Variants in MAP3K19 observed in about 807,000 individuals in gnomAD.
The protein encoded by MAP3K19 is SPS1/STE20-related protein kinase YSK4.
In MAP3K19, 91 loss-of-function variants were observed where a neutral mutation model predicts 114.4. That is an observed-to-expected ratio of 0.80 (90% CI 0.67 to 0.95). MAP3K19 has a LOEUF of 0.95. MAP3K19 is among the 40% of genes least tolerant of loss of function. The pLI is 0.00. For missense variants in MAP3K19, 1,471 were observed against 1,573.2 expected (o/e 0.94, Z 1.10); for synonymous variants, 518 against 530.5 (o/e 0.98, Z 0.32).
chr2:134,987,457 T>G lies in MAP3K19; in HGVS notation c.1415A>C (p.Glu472Ala). ...METNIKISIA[E>A]RAKPEMSRMV... ...CCTACTCATTTCTGGTTTGGCTCTT[T>G]CTGCTATTGATATTTTTATGTTTGT... The change falls in exon 10 of 13, where the codon GAA becomes GCA. Residue 472 changes from glutamate to alanine, a missense_variant. Glu to Ala is a moderately radical substitution (Grantham distance 107). Transcript: ENST00000392915. 6.2e-7 allele frequency: 1 copy of G among 1,614,212 alleles called. No individual in the cohort carries two copies. Among genetic ancestry groups the G allele is most frequent in the South Asian group, 1.1e-5 (1 of 91,086 alleles).
At chr2:135,041,466 G>A (rs1688644696) in intron 1 of MAP3K19, among the ~76,000 whole-genome samples, 1 of 151,812 alleles carries the variant, frequency 6.6e-6, no homozygotes, top group Non-Finnish European at 1.5e-5. Context: ...TCAGTCTCCT[G>A]AGTAGCTGGG....
At position 135,032,356 on chromosome 2, in the gene MAP3K19, GA is replaced by G. The variant is rs760579264; in HGVS notation, c.-283-1857del. Among the ~76,000 whole-genome samples, 367 of 72,180 alleles carry G rather than the reference GA, an allele frequency of 5.1e-3. 3 individuals are homozygous for G. Among genetic ancestry groups the G allele is most frequent in the African/African-American group, 0.017 (266 of 15,298 alleles). 47.4% of individuals were successfully genotyped at this position (72,180 alleles called of 152,430 possible). A position where few individuals can be genotyped will look rare whatever the true frequency, so the allele number is the denominator to read the frequency against. ...TGGGTGACAGAGTGAGACTCTGTCT[GA>G]AAAAAAAAAAAAAAAAGAAAAGAAA... is the stretch of plus-strand genomic sequence containing the variant. On this transcript the variant is annotated intron_variant, in intron 2 of 12. Transcript: ENST00000392915.
chr2:135,024,468 G>C (rs949706628), intron 4 of MAP3K19, among the ~76,000 whole-genome samples, 158 bp downstream of exon 4: 2 of 152,164 alleles, frequency 1.3e-5, no homozygotes, highest in African/African-American at 2.4e-5. Context: ...GCATCCCCCA[G>C]AGCACCTAGT....
chr2:134,988,031 C>G lies in MAP3K19; in HGVS notation c.841G>C (p.Asp281His). The change falls in exon 10 of 13, where the codon GAT becomes CAT. Residue 281 changes from aspartate to histidine, a missense_variant. Coordinates refer to ENST00000392915, the MANE Select transcript of MAP3K19 (RefSeq NM_025052.5). The part of the protein sequence containing the change: ...SLMDPTLRSS[D>H]GFIWSRNMCS... ...ATGTTTCTTGACCAAATGAAGCCAT[C>G]AGAAGACCTGAGAGTCGGATCCATC... 2 of 1,613,996 alleles carry G rather than the reference C, an allele frequency of 1.2e-6. No homozygotes were observed. The highest frequency in any genetic ancestry group is 2.2e-5 in the South Asian group (2 of 91,056).
intron 12 of MAP3K19, among the ~76,000 whole-genome samples, chr2:134,978,138 T>C (rs1684377290): frequency 6.6e-6 from 1 of 152,142 alleles, no homozygotes; most frequent in Admixed American, 6.5e-5. Context: ...TTCAAAATAT[T>C]TTCCTCAGCC....
rs187768691 is a variant in MAP3K19 at position 135,045,957 on chromosome 2, C to T, written c.-424+1228G>A. Among the ~76,000 whole-genome samples, 13 of 150,152 alleles carry T rather than the reference C, an allele frequency of 8.7e-5. No homozygotes were observed. In the East Asian group the frequency reaches 2.1e-3, roughly 24 times the overall value. ...TATTTTTATTAGAGATGGGGTCTCA[C>T]TCTCTCATCCAGGCTGGAGTACAGC... On this transcript the variant is annotated intron_variant, in intron 1 of 12. Coordinates refer to ENST00000392915, the MANE Select transcript of MAP3K19 (RefSeq NM_025052.5).
At chr2:135,022,779 G>T (rs776166118) in intron 4 of MAP3K19, among the ~76,000 whole-genome samples, 6 of 152,162 alleles carry the variant, frequency 3.9e-5, no homozygotes, top group Non-Finnish European at 5.9e-5. Flanking sequence ...AAATGTTTGG[G>T]ATTAATGGTT....
intron 4 of MAP3K19, chr2:135,023,653 A>C: frequency 2.2e-6 from 1 of 456,502 alleles, no homozygotes; most frequent in South Asian, 1.6e-5. Flanking sequence ...CAGTTCTGTG[A>C]ATTGTTCTTT....
intron 1 of MAP3K19, among the ~76,000 whole-genome samples, chr2:135,044,079 AT>A (rs1391765840): frequency 6.6e-6 from 1 of 152,246 alleles, no homozygotes; most frequent in Admixed American, 6.5e-5. Context: ...AATAATAACA[AT>A]AATACAACAA....
chr2:134,972,244 A>G (rs1683931508), intron 12 of MAP3K19, among the ~76,000 whole-genome samples: 1 of 151,682 alleles, frequency 6.6e-6, no homozygotes, highest in East Asian at 1.9e-4. Context: ...CCCTACTCCT[A>G]TCCTCCTACT....
At chr2:135,026,501 T>TC in intron 3 of MAP3K19, among the ~76,000 whole-genome samples, 1 of 136,058 alleles carries the variant, frequency 7.3e-6, no homozygotes. Flanking sequence ...AGCTCCCTCC[T>TC]CCTTTTTTTT....
At chr2:134,991,482 G>T in intron 9 of MAP3K19, 55 bp downstream of exon 9, 1 of 1,463,338 alleles carries the variant, frequency 6.8e-7, no homozygotes, top group Non-Finnish European at 9.6e-7. Context: ...CTAAATTAGT[G>T]AATAGAGTTG....
intron 2 of MAP3K19, among the ~76,000 whole-genome samples, chr2:135,032,580 T>C (rs1032100108): frequency 1.6e-5 from 2 of 126,060 alleles, no homozygotes; most frequent in East Asian, 2.2e-4. Flanking sequence ...TAAAATGTTG[T>C]TTGTTTTTTT....
chr2:135,006,603 A>G (rs1686829487), intron 5 of MAP3K19, among the ~76,000 whole-genome samples: 1 of 150,844 alleles, frequency 6.6e-6, no homozygotes, highest in Non-Finnish European at 1.5e-5. Context: ...TGAGCTCAGG[A>G]GTTCGAGACC....
chr2:134,973,730 G>T (rs769858301), intron 12 of MAP3K19, among the ~76,000 whole-genome samples: 1 of 151,906 alleles, frequency 6.6e-6, no homozygotes. Flanking sequence ...TAGTGTTAAC[G>T]TTTGAGTCCT....
chr2:135,027,875 A>G (rs1199550195), intron 3 of MAP3K19, among the ~76,000 whole-genome samples: 1 of 152,214 alleles, frequency 6.6e-6, no homozygotes, highest in African/African-American at 2.4e-5. Flanking sequence ...TCTGGGTTTC[A>G]ATCTCAGCTG....
chr2:135,021,592 T>G, intron 5 of MAP3K19, 123 bp downstream of exon 5: 2 of 601,934 alleles, frequency 3.3e-6, no homozygotes, highest in Non-Finnish European at 5.8e-6. Flanking sequence ...CCAAATATGC[T>G]TTTTTATGAT....
chr2:134,979,159 C>T (rs1362802030), intron 12 of MAP3K19, among the ~76,000 whole-genome samples: 3 of 152,112 alleles, frequency 2.0e-5, no homozygotes, highest in Non-Finnish European at 4.4e-5. Flanking sequence ...TGCTAGGGTC[C>T]TCAGGGTCTT....
At chr2:135,023,606 G>A (rs1455334932) in intron 4 of MAP3K19, 1 of 507,676 alleles carries the variant, frequency 2.0e-6, no homozygotes, top group East Asian at 5.7e-5. Context: ...TTTCTCAGCG[G>A]TTGTCTCTGT....
Sources: gnomAD v4.1 joint callset for allele counts (sites outside exome capture counted in the v4.1 genomes callset) on GRCh38, gnomAD v4.1.1 for gene constraint, MANE v1.5 for transcripts, NCBI Gene and HGNC (gene_info 2026-07-23, HGNC 2026-07-21) for gene names.